Variants in SEMA6D observed in about 807,000 individuals in gnomAD.
The protein encoded by SEMA6D is semaphorin 6D, also known as semaphorin-6D.
A neutral mutation model predicts 106.6 loss-of-function variants in SEMA6D; 35 were observed. The ratio of observed to expected loss-of-function variants is 0.33; its 90% CI spans 0.25 to 0.44. The LOEUF (loss-of-function observed/expected upper bound fraction) is 0.44. Among genes scored for constraint, SEMA6D ranks in the 20% least tolerant of loss-of-function variants. The pLI, the probability that SEMA6D is intolerant of heterozygous loss-of-function variation, is 1.00. For synonymous variants in SEMA6D, 499 were observed against 487.7 expected (o/e 1.02, Z -0.31); for missense variants, 1,185 against 1,345.9 (o/e 0.88, Z 1.87).
At chr15:47,328,518 G>C (rs1168034810) in intron 1 of SEMA6D, among the ~76,000 whole-genome samples, 1 of 152,324 alleles carries the variant, frequency 6.6e-6, no homozygotes, top group Admixed American at 6.5e-5. Flanking sequence ...TACCTCAACT[G>C]CTGTAGATGA....
intron 3 of SEMA6D, among the ~76,000 whole-genome samples, chr15:47,585,908 A>G (rs1485310159): frequency 6.6e-6 from 1 of 152,212 alleles, no homozygotes; most frequent in Non-Finnish European, 1.5e-5. Context: ...AGGCACAGAC[A>G]CACAGCCTGT....
chr15:47,368,819 A>G (rs187068824), intron 1 of SEMA6D, among the ~76,000 whole-genome samples: 151 of 152,314 alleles, frequency 9.9e-4, no homozygotes, highest in African/African-American at 3.6e-3. Context: ...ACTTTCTTCT[A>G]CTTCCTAGCG....
At chr15:47,762,759 T>C (rs2082131707) in intron 8 of SEMA6D, among the ~76,000 whole-genome samples, 1 of 152,184 alleles carries the variant, frequency 6.6e-6, no homozygotes, top group African/African-American at 2.4e-5. Flanking sequence ...AATGAATAAA[T>C]CTGTTGAAAC....
intron 2 of SEMA6D, among the ~76,000 whole-genome samples, chr15:47,430,715 C>G (rs2041495103): frequency 6.6e-6 from 1 of 152,102 alleles, no homozygotes; most frequent in Admixed American, 6.6e-5. Context: ...CATTCCCCCA[C>G]AGGCCCAAGG....
chr15:47,289,019 G>A (rs1206998503), intron 1 of SEMA6D, among the ~76,000 whole-genome samples: 3 of 152,092 alleles, frequency 2.0e-5, no homozygotes, highest in Non-Finnish European at 4.4e-5. Context: ...GAGAGATTGA[G>A]GCCCAGAAGC....
intron 3 of SEMA6D, among the ~76,000 whole-genome samples, chr15:47,503,227 A>T (rs540793888): frequency 1.2e-4 from 18 of 152,326 alleles, no homozygotes; most frequent in Non-Finnish European, 2.1e-4. Flanking sequence ...TGATATATCT[A>T]TTTAAGAAAA....
At chr15:47,447,883 A>G (rs2042073895) in intron 2 of SEMA6D, among the ~76,000 whole-genome samples, 1 of 152,138 alleles carries the variant, frequency 6.6e-6, no homozygotes. Flanking sequence ...ATTGAATTGT[A>G]TTGGAGGATG....
At chr15:47,371,107 A>G (rs1210224242) in intron 1 of SEMA6D, among the ~76,000 whole-genome samples, 3 of 152,220 alleles carry the variant, frequency 2.0e-5, no homozygotes, top group African/African-American at 4.8e-5. Context: ...CCCCAAATCA[A>G]TATGGACTCT....
At chr15:47,604,510 G>A (rs572594488) in intron 4 of SEMA6D, among the ~76,000 whole-genome samples, 13 of 152,272 alleles carry the variant, frequency 8.5e-5, no homozygotes, top group African/African-American at 3.1e-4. Flanking sequence ...AGTAGTCCAG[G>A]AGACGTCTTG....
intron 4 of SEMA6D, among the ~76,000 whole-genome samples, chr15:47,641,451 T>C (rs1382786862): frequency 6.6e-6 from 1 of 152,092 alleles, no homozygotes; most frequent in Non-Finnish European, 1.5e-5. Flanking sequence ...CTACAGTTTC[T>C]AAAATCCCTA....
intron 3 of SEMA6D, among the ~76,000 whole-genome samples, chr15:47,483,638 T>G (rs1807646713): frequency 6.6e-6 from 1 of 152,132 alleles, no homozygotes; most frequent in Non-Finnish European, 1.5e-5. Context: ...TAGAAGGATT[T>G]GTTGAAGGTT....
At chr15:47,686,661 A>G (rs2078476455) in intron 4 of SEMA6D, among the ~76,000 whole-genome samples, 1 of 152,156 alleles carries the variant, frequency 6.6e-6, no homozygotes, top group African/African-American at 2.4e-5. Context: ...CAACACTCCA[A>G]TCATGCATAT....
At chr15:47,392,490 A>C (rs962167705) in intron 1 of SEMA6D, among the ~76,000 whole-genome samples, 1 of 139,228 alleles carries the variant, frequency 7.2e-6, no homozygotes, top group African/African-American at 3.1e-5. Flanking sequence ...TGAGTATGCT[A>C]TGCTGCTGGC....
chr15:47,301,301 G>A (rs1002302218), intron 1 of SEMA6D, among the ~76,000 whole-genome samples: 2 of 152,206 alleles, frequency 1.3e-5, no homozygotes, highest in Non-Finnish European at 1.5e-5. Flanking sequence ...CCTCAAGAGT[G>A]AACATGCATC....
At chr15:47,456,349 T>A (rs2042346443) in intron 2 of SEMA6D, among the ~76,000 whole-genome samples, 1 of 152,002 alleles carries the variant, frequency 6.6e-6, no homozygotes, top group Non-Finnish European at 1.5e-5. Flanking sequence ...AATGTAACAG[T>A]CCTCCAATTA....
chr15:47,427,109 T>C (rs1271386683), intron 2 of SEMA6D, among the ~76,000 whole-genome samples: 2 of 152,168 alleles, frequency 1.3e-5, no homozygotes, highest in Non-Finnish European at 2.9e-5. Context: ...TTTACAGTGA[T>C]AGCATCATTT....
intron 3 of SEMA6D, among the ~76,000 whole-genome samples, chr15:47,552,421 A>G (rs2045724690): frequency 6.6e-6 from 1 of 151,586 alleles, no homozygotes; most frequent in African/African-American, 2.4e-5. Context: ...TTAGCAATAA[A>G]AAGGAAAGAA....
intron 1 of SEMA6D, among the ~76,000 whole-genome samples, chr15:47,298,836 A>G (rs1019591410): frequency 6.6e-6 from 1 of 152,186 alleles, no homozygotes; most frequent in Non-Finnish European, 1.5e-5. Context: ...CAATTTGTGA[A>G]GAGGATAATG....
chr15:47,224,025 G>A (rs981789520), intron 1 of SEMA6D, among the ~76,000 whole-genome samples: 3 of 151,952 alleles, frequency 2.0e-5, no homozygotes, highest in African/African-American at 7.2e-5. Context: ...TACTATTTGG[G>A]AGGGATAGCA....
Sources: allele counts gnomAD v4.1 joint callset (sites outside exome capture counted in the v4.1 genomes callset), GRCh38; gene constraint gnomAD v4.1.1; transcripts MANE v1.5; gene names NCBI Gene and HGNC (gene_info 2026-07-23, HGNC 2026-07-21).